SLIT2: variants seen among roughly 807,000 people sequenced by gnomAD.
SLIT2 encodes the protein slit homolog 2 protein.
In SLIT2, 41 loss-of-function variants were observed where a neutral mutation model predicts 185.7. That is an observed-to-expected ratio of 0.22 (90% CI 0.17 to 0.29). The LOEUF is 0.29. SLIT2 is among the 10% of genes least tolerant of loss of function. The probability of loss-of-function intolerance (pLI) is 1.00; values close to 1 mark genes in which losing one functional copy is unlikely to be tolerated. For missense variants in SLIT2, 1,571 were observed against 1,909.0 expected, an observed-to-expected ratio of 0.82 and a Z score of 3.30; for synonymous variants, 693 against 680.2, an observed-to-expected ratio of 1.02 and a Z score of -0.29.
At chr4:20,402,574 A>G (rs1305138621) in intron 4 of SLIT2, among the ~76,000 whole-genome samples, 1 of 151,890 alleles carries the variant, frequency 6.6e-6, no homozygotes, top group African/African-American at 2.4e-5. Context: ...TATTGTGATA[A>G]GGGAGAAAAT....
At chr4:20,540,147 G>C (rs565805128) in intron 19 of SLIT2, among the ~76,000 whole-genome samples, 1 of 152,192 alleles carries the variant, frequency 6.6e-6, no homozygotes, top group African/African-American at 2.4e-5. Context: ...AATTAACCAG[G>C]CATGGTGACA....
At chr4:20,439,098 A>G (rs10021499) in intron 4 of SLIT2, among the ~76,000 whole-genome samples, 33,446 of 152,140 alleles carry the variant, frequency 0.22, 3,903 homozygotes, top group Non-Finnish European at 0.27. Flanking sequence ...TACTTAATAA[A>G]TATTTCTTGG....
intron 4 of SLIT2, among the ~76,000 whole-genome samples, chr4:20,354,045 A>G (rs1722103115): frequency 6.6e-6 from 1 of 152,168 alleles, no homozygotes; most frequent in African/African-American, 2.4e-5. Flanking sequence ...CTGCAAAAAA[A>G]GAGTGCTGTG....
chr4:20,520,551 C>T (rs189910326), intron 12 of SLIT2, among the ~76,000 whole-genome samples: 253 of 152,096 alleles, frequency 1.7e-3, no homozygotes, highest in African/African-American at 5.5e-3. Flanking sequence ...TATTTGGTAA[C>T]GATTTATTCC....
At chr4:20,551,696 T>A (rs1723769260) in intron 25 of SLIT2, among the ~76,000 whole-genome samples, 1 of 152,158 alleles carries the variant, frequency 6.6e-6, no homozygotes, top group Non-Finnish European at 1.5e-5. Flanking sequence ...ATGTCAGTTG[T>A]GCCCCAGTTT....
intron 18 of SLIT2, among the ~76,000 whole-genome samples, chr4:20,534,360 AG>A (rs1246538934): frequency 6.6e-6 from 1 of 152,094 alleles, no homozygotes; most frequent in Non-Finnish European, 1.5e-5. Flanking sequence ...GCTCAGGGGT[AG>A]GGTGTTTGGG....
intron 1 of SLIT2, among the ~76,000 whole-genome samples, chr4:20,255,955 A>G (rs1171980727): frequency 6.6e-6 from 1 of 152,240 alleles, no homozygotes; most frequent in Admixed American, 6.5e-5. Context: ...CTGAAATGCC[A>G]GAAAAGGAGA....
At chr4:20,398,206 A>G (rs145412299) in intron 4 of SLIT2, among the ~76,000 whole-genome samples, 4 of 151,978 alleles carry the variant, frequency 2.6e-5, no homozygotes, top group Non-Finnish European at 5.9e-5. Context: ...AAGAGAGGGC[A>G]TAGAAAAAAC....
chr4:20,569,787 T>C (rs989122835), intron 29 of SLIT2, among the ~76,000 whole-genome samples: 2 of 152,136 alleles, frequency 1.3e-5, no homozygotes, highest in Admixed American at 6.6e-5. Flanking sequence ...GAAGTAATTT[T>C]GATCACTCTA....
intron 4 of SLIT2, among the ~76,000 whole-genome samples, chr4:20,450,325 C>T (rs1295957294): frequency 1.3e-5 from 2 of 152,082 alleles, no homozygotes; most frequent in Non-Finnish European, 2.9e-5. Context: ...TGGTTTGGGG[C>T]TACATTTTTT....
intron 4 of SLIT2, among the ~76,000 whole-genome samples, chr4:20,438,142 T>C (rs1729484484): frequency 6.6e-6 from 1 of 152,128 alleles, no homozygotes; most frequent in Non-Finnish European, 1.5e-5. Context: ...TTACCTCCCT[T>C]CTTATGATTC....
intron 4 of SLIT2, among the ~76,000 whole-genome samples, chr4:20,466,919 A>G: frequency 6.6e-6 from 1 of 152,144 alleles, no homozygotes. Flanking sequence ...TTCTGCTTTC[A>G]TTGATATTTC....
chr4:20,504,725 T>G (rs1577804029), intron 9 of SLIT2, among the ~76,000 whole-genome samples: 1 of 152,262 alleles, frequency 6.6e-6, no homozygotes, highest in African/African-American at 2.4e-5. Context: ...TATAATTTTA[T>G]AGTGTATGTG....
At chr4:20,408,225 A>T (rs750132009) in intron 4 of SLIT2, among the ~76,000 whole-genome samples, 15 of 152,196 alleles carry the variant, frequency 9.9e-5, no homozygotes, top group Non-Finnish European at 1.6e-4. Context: ...ACCATCAGAC[A>T]TCTAGCTCCA....
intron 14 of SLIT2, among the ~76,000 whole-genome samples, 157 bp downstream of exon 14, chr4:20,524,334 A>G (rs1721101347): frequency 6.6e-6 from 1 of 152,232 alleles, no homozygotes; most frequent in African/African-American, 2.4e-5. Flanking sequence ...CTGTAGACCC[A>G]ATTCAAATAA....
chr4:20,307,849 A>G (rs1717727917), intron 4 of SLIT2, among the ~76,000 whole-genome samples: 1 of 152,166 alleles, frequency 6.6e-6, no homozygotes, highest in African/African-American at 2.4e-5. Flanking sequence ...GGATAGTGTG[A>G]GGCAGAACTG....
chr4:20,303,360 TGAG>T (rs1292562591), intron 4 of SLIT2, among the ~76,000 whole-genome samples: 1 of 152,198 alleles, frequency 6.6e-6, no homozygotes, highest in African/African-American at 2.4e-5. Context: ...TTGTTTTCAT[TGAG>T]GAGGAATTTA....
In SLIT2 at chr4:20,324,058, G is replaced by A. The variant is rs1387307666; in HGVS notation, c.395+55177G>A. ...AAACAATAAGATTGTGAACACTTGC[G>A]GGGTAAAATCAAAAAGCAAGTCAAG... is the stretch of plus-strand genomic sequence containing the variant. On this transcript the variant is annotated intron_variant, in intron 4 of 36. Transcript: ENST00000504154. 3.9e-5 allele frequency among the ~76,000 whole-genome samples: 6 copies of A among 152,190 alleles called. No homozygotes were observed. In the South Asian group the frequency reaches 8.3e-4, roughly 21 times the overall value.
At chr4:20,612,492 G>A (rs1487894067) in intron 34 of SLIT2, among the ~76,000 whole-genome samples, 2 of 152,104 alleles carry the variant, frequency 1.3e-5, no homozygotes, top group African/African-American at 2.4e-5. Context: ...CCCGCTTAGA[G>A]TGCAGTCTCA....
Sources: allele counts gnomAD v4.1 joint callset (sites outside exome capture counted in the v4.1 genomes callset), GRCh38; gene constraint gnomAD v4.1.1; transcripts MANE v1.5; gene names NCBI Gene and HGNC (gene_info 2026-07-23, HGNC 2026-07-21).